Variants in ST8SIA4 observed in about 807,000 individuals in gnomAD.
The protein encoded by ST8SIA4 is CMP-N-acetylneuraminate-poly-alpha-2,8-sialyltransferase.
In ST8SIA4, 15 loss-of-function variants were observed where a neutral mutation model predicts 33.9. The ratio of observed to expected loss-of-function variants is 0.44; its 90% CI spans 0.30 to 0.68. ST8SIA4 has a LOEUF of 0.68. Among genes scored for constraint, ST8SIA4 ranks in the 30% least tolerant of loss-of-function variants. The pLI is 0.10. For synonymous variants in ST8SIA4, 171 were observed against 151.2 expected, an observed-to-expected ratio of 1.13 and a Z score of -0.96; for missense variants, 321 against 428.0, an observed-to-expected ratio of 0.75 and a Z score of 2.21.
chr5:100,869,067 A>G (rs534467012), intron 3 of ST8SIA4, among the ~76,000 whole-genome samples: 7 of 152,126 alleles, frequency 4.6e-5, no homozygotes, highest in Non-Finnish European at 7.4e-5. Flanking sequence ...TAGTGTATCA[A>G]TTTATTTCCT....
Position 100,834,997 on chromosome 5 carries a change from AAAATGTAAAACATGGGTG to A in ST8SIA4, c.797+21088_797+21105del, listed in dbSNP as rs1331712080. Among the ~76,000 whole-genome samples the A allele has an allele frequency of 2.0e-5, 3 of 152,288 alleles. No individual in the cohort carries two copies. In the South Asian group the frequency reaches 6.2e-4, roughly 32 times the overall value. ...GCCTTCTTGGATTATTGTTTTTTTC[AAAATGTAAAACATGGGTG>A]AAATGAAAAACAAACAAGGAACTAG... On this transcript the variant is annotated intron_variant, in intron 4 of 4. Transcript: ENST00000231461.
At position 100,887,189 on chromosome 5, in the gene ST8SIA4, T is replaced by A. The variant is rs192708192; in HGVS notation, c.246-589A>T. On this transcript the variant is annotated intron_variant, in intron 2 of 4. Transcript: ENST00000231461. ...GCAACTTTTTCTCTAAGATCAAGAG[T>A]CCTGGAAGTAAGATGGATACATCAA... is the stretch of plus-strand genomic sequence containing the variant. Among the ~76,000 whole-genome samples the A allele has an allele frequency of 3.8e-4, 58 of 152,096 alleles. 1 individual carries two copies. In the East Asian group the frequency reaches 0.01, roughly 27 times the overall value.
chr5:100,889,406 G>T (rs768425608), intron 2 of ST8SIA4, among the ~76,000 whole-genome samples: 1 of 151,848 alleles, frequency 6.6e-6, no homozygotes, highest in Non-Finnish European at 1.5e-5. Context: ...ATTTGAAGAT[G>T]TACACTCCCA....
chr5:100,847,190 C>G (rs769041210), intron 4 of ST8SIA4, among the ~76,000 whole-genome samples: 1 of 152,052 alleles, frequency 6.6e-6, no homozygotes, highest in Non-Finnish European at 1.5e-5. Context: ...ATATTTTTAG[C>G]ATAAGACTAA....
intron 4 of ST8SIA4, among the ~76,000 whole-genome samples, chr5:100,838,194 T>A (rs1751402370): frequency 1.3e-5 from 2 of 151,962 alleles, no homozygotes; most frequent in East Asian, 3.9e-4. Context: ...CTCACCATAA[T>A]CATGAAGAAA....
intron 4 of ST8SIA4, among the ~76,000 whole-genome samples, chr5:100,838,046 G>C (rs1751398711): frequency 6.6e-6 from 1 of 152,024 alleles, no homozygotes; most frequent in African/African-American, 2.4e-5. Flanking sequence ...CAAATGGTTA[G>C]AGAGCTGGAT....
chr5:100,870,135 TG>T (rs1752165645), intron 3 of ST8SIA4, among the ~76,000 whole-genome samples: 1 of 152,208 alleles, frequency 6.6e-6, no homozygotes, highest in South Asian at 2.1e-4. Flanking sequence ...CTCAGAATGA[TG>T]GTTTCCAGCT....
rs977668772 is a variant in ST8SIA4 at position 100,811,770 on chromosome 5, G to C, written c.*77C>G. 1 of 1,438,208 alleles carries C rather than the reference G, an allele frequency of 7.0e-7. No individual in the cohort carries two copies. The highest frequency in any genetic ancestry group is 1.4e-5 in the South Asian group (1 of 70,770). The allele number at this position is 1,438,208 out of a possible 1,614,324, so 89.1% of individuals were successfully genotyped here. ...CATTGGTGGATGCTGAAACCCAGCCGTGTTTTGGATCCTATTTTCAAATCT... is the reference window on the plus strand; with the variant it reads ...CATTGGTGGATGCTGAAACCCAGCCCTGTTTTGGATCCTATTTTCAAATCT... On this transcript the variant is annotated 3_prime_UTR_variant, in exon 5 of 5. Coordinates refer to ENST00000231461, the MANE Select transcript of ST8SIA4 (RefSeq NM_005668.6).
At chr5:100,842,875 T>G (rs563497514) in intron 4 of ST8SIA4, among the ~76,000 whole-genome samples, 39 of 152,060 alleles carry the variant, frequency 2.6e-4, no homozygotes, top group African/African-American at 9.4e-4. Flanking sequence ...TAGATTATGT[T>G]ATGATACATT....
At chr5:100,880,441 G>A (rs1397270155) in intron 3 of ST8SIA4, among the ~76,000 whole-genome samples, 1 of 152,100 alleles carries the variant, frequency 6.6e-6, no homozygotes, top group African/African-American at 2.4e-5. Flanking sequence ...CCCCAAATAA[G>A]GGGTAAAACC....
chr5:100,891,042 C>A (rs1257640882), intron 2 of ST8SIA4, among the ~76,000 whole-genome samples: 1 of 151,858 alleles, frequency 6.6e-6, no homozygotes, highest in Non-Finnish European at 1.5e-5. Flanking sequence ...AACAAGTTTT[C>A]ACTCGTGAAA....
intron 3 of ST8SIA4, chr5:100,885,557 A>T: frequency 1.1e-6 from 1 of 925,782 alleles, no homozygotes; most frequent in Non-Finnish European, 1.3e-6. Context: ...ATATTGTACT[A>T]TTTCATATTT....
intron 4 of ST8SIA4, among the ~76,000 whole-genome samples, chr5:100,819,259 C>G (rs1025437978): frequency 6.6e-6 from 1 of 152,140 alleles, no homozygotes; most frequent in Non-Finnish European, 1.5e-5. Context: ...CACTGGGTGT[C>G]GGGAGACAGT....
chr5:100,808,005 C>A lies in ST8SIA4; in HGVS notation c.*3842G>T, dbSNP rs1200352449. On this transcript the variant is annotated 3_prime_UTR_variant, in exon 5 of 5. Coordinates refer to ENST00000231461, the MANE Select transcript of ST8SIA4 (RefSeq NM_005668.6). ...ATATTGATAATGTTTGATGGGAAAA[C>A]TTTCAAACTTGTAGAGATAACAACT... 1 of 152,406 alleles carries A rather than the reference C, an allele frequency of 6.6e-6. No homozygotes were observed. The highest frequency in any genetic ancestry group is 1.5e-5 in the Non-Finnish European group (1 of 67,926). 9.4% of individuals were successfully genotyped at this position (152,406 alleles called of 1,614,324 possible).
intron 4 of ST8SIA4, among the ~76,000 whole-genome samples, chr5:100,850,605 A>G (rs1474992568): frequency 6.6e-6 from 1 of 152,092 alleles, no homozygotes; most frequent in Non-Finnish European, 1.5e-5. Context: ...TCAAATATCA[A>G]CAGATCAAAA....
At chr5:100,884,143 T>C (rs1246410173) in intron 3 of ST8SIA4, among the ~76,000 whole-genome samples, 1 of 152,178 alleles carries the variant, frequency 6.6e-6, no homozygotes, top group Admixed American at 6.5e-5. Context: ...ATATTCCAAA[T>C]TGAAATTGGA....
intron 4 of ST8SIA4, among the ~76,000 whole-genome samples, chr5:100,830,702 A>T (rs1036346258): frequency 4.6e-5 from 7 of 152,244 alleles, no homozygotes; most frequent in Admixed American, 2.0e-4. Context: ...TGGTATGGCA[A>T]CTGATTATTG....
At chr5:100,862,458 G>A (rs1416482500) in intron 3 of ST8SIA4, among the ~76,000 whole-genome samples, 1 of 151,968 alleles carries the variant, frequency 6.6e-6, no homozygotes, top group Non-Finnish European at 1.5e-5. Flanking sequence ...GAGTGCAGTG[G>A]CGGGATATCG....
intron 4 of ST8SIA4, among the ~76,000 whole-genome samples, chr5:100,843,022 G>T (rs1201558317): frequency 6.6e-6 from 1 of 151,822 alleles, no homozygotes; most frequent in East Asian, 1.9e-4. Context: ...CACTGGTAAA[G>T]TTTGCTGAAA....
Sources: allele counts gnomAD v4.1 joint callset (sites outside exome capture counted in the v4.1 genomes callset), GRCh38; gene constraint gnomAD v4.1.1; transcripts MANE v1.5; gene names NCBI Gene and HGNC (gene_info 2026-07-23, HGNC 2026-07-21).